Variants in RRP1B observed in about 807,000 individuals in gnomAD.
RRP1B encodes ribosomal RNA processing protein 1 homolog B.
RRP1B carries 56 observed loss-of-function variants against 80.2 expected under a neutral mutation model. The ratio of observed to expected loss-of-function variants is 0.70; its 90% CI spans 0.56 to 0.87. RRP1B has a LOEUF of 0.87. Ranked by LOEUF, RRP1B falls within the 40% of genes least tolerant of loss-of-function variation. The pLI, the probability that RRP1B is intolerant of heterozygous loss-of-function variation, is 0.00. For synonymous variants in RRP1B, 351 were observed against 357.6 expected, an observed-to-expected ratio of 0.98 and a Z score of 0.21; for missense variants, 807 against 939.8, an observed-to-expected ratio of 0.86 and a Z score of 1.85.
Position 43,696,010 on chromosome 21 carries a change from A to G in RRP1B, c.*2627A>G, listed in dbSNP as rs1160532747. 1 of 152,172 alleles carries G rather than the reference A, an allele frequency of 6.6e-6. No individual in the cohort carries two copies. The highest frequency in any genetic ancestry group is 2.4e-5 in the African/African-American group (1 of 41,430). The allele number at this position is 152,172 out of a possible 1,614,324, so 9.4% of individuals were successfully genotyped here. A position where few individuals can be genotyped will look rare whatever the true frequency, so the allele number is the denominator to read the frequency against. On this transcript the variant is annotated 3_prime_UTR_variant, in exon 16 of 16. Coordinates refer to ENST00000340648, the MANE Select transcript of RRP1B (RefSeq NM_015056.3). Reference sequence around the variant, plus strand: ...ACTTTGTTTACGATCAAATTGTACTAGTGTCTGCAGGGTTTGTCAGTACTC... The same window carrying G: ...ACTTTGTTTACGATCAAATTGTACTGGTGTCTGCAGGGTTTGTCAGTACTC...
At chr21:43,682,961 C>T (rs905246632) in intron 8 of RRP1B, among the ~76,000 whole-genome samples, 3 of 152,144 alleles carry the variant, frequency 2.0e-5, no homozygotes, top group Non-Finnish European at 4.4e-5. Context: ...CAACCTCTGC[C>T]TCCTGGGTTC....
intron 1 of RRP1B, among the ~76,000 whole-genome samples, chr21:43,662,726 A>G (rs1008508685): frequency 8.5e-5 from 13 of 152,236 alleles, no homozygotes; most frequent in African/African-American, 3.1e-4. Context: ...GCTTTCATCC[A>G]TAAGAGCTTA....
chr21:43,672,254 T>A, intron 2 of RRP1B, 54 bp from the exon 3 acceptor site: 1 of 1,533,634 alleles, frequency 6.5e-7, no homozygotes, highest in South Asian at 1.1e-5. Flanking sequence ...GGCACAGGCA[T>A]CTCATGTTGC....
At position 43,677,039 on chromosome 21, in the gene RRP1B, C is replaced by A. The variant is rs564824741; in HGVS notation, c.796+125C>A. The A allele has an allele frequency of 4.9e-5, 47 of 952,230 alleles. No homozygotes were observed. In the East Asian group the frequency reaches 7.5e-4, roughly 15 times the overall value. 59.0% of individuals were successfully genotyped at this position (952,230 alleles called of 1,614,324 possible). A position where few individuals can be genotyped will look rare whatever the true frequency, so the allele number is the denominator to read the frequency against. On this transcript the variant is annotated intron_variant, in intron 8 of 15. Transcript: ENST00000340648. ...CTAGAGTTGATGGCTCTGCCTCAGC[C>A]CCTCCCAAGAAAGGCAGCAGAGGTG...
intron 1 of RRP1B, among the ~76,000 whole-genome samples, chr21:43,666,667 G>T (rs1488637569): frequency 6.6e-6 from 1 of 150,494 alleles, no homozygotes; most frequent in Non-Finnish European, 1.5e-5. Flanking sequence ...GCAGTGAGCC[G>T]AGATTGCACC....
At chr21:43,675,270 A>G (rs1295228898) in intron 6 of RRP1B, 107 bp downstream of exon 6, 1 of 1,050,760 alleles carries the variant, frequency 9.5e-7, no homozygotes, top group South Asian at 1.5e-5. Context: ...CAGCGACTGT[A>G]GCAGCGTGAA....
intron 13 of RRP1B, among the ~76,000 whole-genome samples, chr21:43,688,868 C>A (rs2083075122): frequency 6.6e-6 from 1 of 152,246 alleles, no homozygotes; most frequent in South Asian, 2.1e-4. Flanking sequence ...CGGCTCACTG[C>A]AACCTCCACC....
At position 43,694,392 on chromosome 21, in the gene RRP1B, T is replaced by G. The variant is rs1053924975; in HGVS notation, c.*1009T>G. 2 of 152,294 alleles carry G rather than the reference T, an allele frequency of 1.3e-5. No homozygotes were observed. The highest frequency in any genetic ancestry group is 2.9e-5 in the Non-Finnish European group (2 of 68,060). The allele number at this position is 152,294 out of a possible 1,614,324, so 9.4% of individuals were successfully genotyped here. On this transcript the variant is annotated 3_prime_UTR_variant, in exon 16 of 16. Transcript: ENST00000340648. ...CATTACAAACACGGGCGGAAGGCAC[T>G]CAGGCTTTCGTTGGAGAAACAGAAA...
chr21:43,659,749 A>C lies in RRP1B; in HGVS notation c.85A>C (p.Lys29Gln). The C allele has an allele frequency of 6.6e-7, 1 of 1,524,330 alleles. No homozygotes were observed. The highest frequency in any genetic ancestry group is 8.8e-7 in the Non-Finnish European group (1 of 1,133,610). The allele number at this position is 1,524,330 out of a possible 1,614,324, so 94.4% of individuals were successfully genotyped here. A position where few individuals can be genotyped will look rare whatever the true frequency, so the allele number is the denominator to read the frequency against. ...SEKGIRDRAV[K>Q]KLRQYISVKT... is the part of the protein sequence containing the mutation. Reference sequence around the variant, plus strand: ...GAAGGGCATCCGGGACCGAGCGGTGAAGAAGCTGCGCCAGTACATCAGCGT... The same window carrying C: ...GAAGGGCATCCGGGACCGAGCGGTGCAGAAGCTGCGCCAGTACATCAGCGT... Residue 29 changes from lysine to glutamine, a missense_variant, in exon 1 of 16, where the codon AAG (lysine) becomes CAG (glutamine). Physicochemically the swap from Lys to Gln is moderately conservative, Grantham distance 53 (BLOSUM62 1). Transcript: ENST00000340648. The surrounding 1 kb of genome is among the most constrained non-coding windows in gnomAD (Gnocchi z 4.2).
At chr21:43,678,593 G>A (rs2083031195) in intron 8 of RRP1B, among the ~76,000 whole-genome samples, 1 of 152,102 alleles carries the variant, frequency 6.6e-6, no homozygotes. Flanking sequence ...AGAACTGTCT[G>A]TTCATTTCCT....
rs1228425076 is a variant in RRP1B, at chr21:43,691,897, T to G, written c.2083+395T>G. 6.6e-6 allele frequency among the ~76,000 whole-genome samples: 1 copy of G among 151,980 alleles called. No homozygotes were observed. The highest frequency in any genetic ancestry group is 6.6e-5 in the Admixed American group (1 of 15,246). On this transcript the variant is annotated intron_variant, in intron 15 of 15. Transcript: ENST00000340648. This position sits in a 1 kb window ranked among gnomAD's most constrained non-coding sequence, Gnocchi z 4.2. ...CCTGACCTCAGGTGATCTGCCTGCC[T>G]CGGCCTCCCAAAGATCTGGGATTAC... is the stretch of plus-strand genomic sequence containing the variant.
At chr21:43,690,473 T>G (rs1298245173) in intron 14 of RRP1B, 33 bp downstream of exon 14, 2 of 1,607,896 alleles carry the variant, frequency 1.2e-6, no homozygotes, top group Non-Finnish European at 1.7e-6. Context: ...CACAGCACAT[T>G]TCACCACAAG....
rs1224838794 is a variant in RRP1B at position 43,690,426 on chromosome 21, G to C, written c.2005G>C (p.Gly669Arg). The C allele has an allele frequency of 1.2e-6, 2 of 1,614,090 alleles. No individual in the cohort carries two copies. The highest frequency in any genetic ancestry group is 8.5e-7 in the Non-Finnish European group (1 of 1,180,004). Residue 669 changes from glycine (G) to arginine (R), a missense_variant, in exon 14 of 16, where the codon GGC becomes CGC. Gly to Arg is a moderately radical substitution (Grantham distance 125). Transcript: ENST00000340648. Reference sequence around the variant, plus strand: ...GAGCAGCACTGCCACCCACCCTCCAGGCCCTGCCGTCCAGGTACGCACCCT... The same window carrying C: ...GAGCAGCACTGCCACCCACCCTCCACGCCCTGCCGTCCAGGTACGCACCCT... ...AKSSTATHPP[G>R]PAVQLNKTPS...
chr21:43,682,738 T>C (rs527940098), intron 8 of RRP1B, among the ~76,000 whole-genome samples: 1 of 152,354 alleles, frequency 6.6e-6, no homozygotes, highest in South Asian at 2.1e-4. Flanking sequence ...CAGCAGGGAA[T>C]TGGGGTTTTA....
In RRP1B at chr21:43,673,974, A is replaced by G. The variant is rs373411322; in HGVS notation, c.357+19A>G. 6.5e-7 allele frequency: 1 copy of G among 1,533,796 alleles called. No homozygotes were observed. Among genetic ancestry groups the G allele is most frequent in the African/African-American group, 1.4e-5 (1 of 72,878 alleles). On this transcript the variant is annotated intron_variant, in intron 4 of 15. Transcript: ENST00000340648. ...CTATATGGTAAGATCTGCCGCAGTT[A>G]CTTCAAAAACTCCTGGGAAGAAAAG... is the stretch of plus-strand genomic sequence containing the variant.
intron 3 of RRP1B, among the ~76,000 whole-genome samples, chr21:43,673,506 C>T (rs946392701): frequency 5.3e-5 from 8 of 151,770 alleles, no homozygotes; most frequent in African/African-American, 1.7e-4. Flanking sequence ...TGGTGGTGCA[C>T]ACCTGTAATC....
rs1302581728 is a variant in RRP1B at position 43,659,824 on chromosome 21, A to G, written c.130+30A>G. The G allele has an allele frequency of 6.7e-7, 1 of 1,489,652 alleles. No individual in the cohort carries two copies. Among genetic ancestry groups the G allele is most frequent in the African/African-American group, 1.4e-5 (1 of 69,008 alleles). 92.3% of individuals were successfully genotyped at this position (1,489,652 alleles called of 1,614,324 possible). A position where few individuals can be genotyped will look rare whatever the true frequency, so the allele number is the denominator to read the frequency against. Reference sequence around the variant, plus strand: ...GCGCACGGCCGCGGTCAGCCGCGCCACATGGCGGGCCGGGGGCCGGGGCTG... The same window carrying G: ...GCGCACGGCCGCGGTCAGCCGCGCCGCATGGCGGGCCGGGGGCCGGGGCTG... On this transcript the variant is annotated intron_variant, in intron 1 of 15. Transcript: ENST00000340648. The surrounding 1 kb of genome is among the most constrained non-coding windows in gnomAD (Gnocchi z 4.2).
chr21:43,669,829 C>A, intron 1 of RRP1B, 55 bp from the exon 2 acceptor site: 1 of 1,301,688 alleles, frequency 7.7e-7, no homozygotes, highest in Non-Finnish European at 1.1e-6. Context: ...ACTTTCTAAA[C>A]TTGAAGAAAA....
At chr21:43,690,574 C>A (rs1037686698) in intron 14 of RRP1B, 134 bp downstream of exon 14, 2 of 963,574 alleles carry the variant, frequency 2.1e-6, no homozygotes, top group Non-Finnish European at 3.1e-6. Flanking sequence ...GGACAGGTTC[C>A]ACGGCCAGGG....
Sources: gnomAD v4.1 joint callset for allele counts (sites outside exome capture counted in the v4.1 genomes callset) on GRCh38, gnomAD v4.1.1 for gene constraint, Gnocchi (gnomAD v3.1) non-coding constraint, MANE v1.5 for transcripts, NCBI Gene and HGNC (gene_info 2026-07-23, HGNC 2026-07-21) for gene names.